GSS: variants seen among roughly 807,000 people sequenced by gnomAD.
GSS encodes the protein GSH synthetase.
In GSS, 34 loss-of-function variants were observed where a neutral mutation model predicts 60.4. The ratio of observed to expected loss-of-function variants is 0.56; its 90% CI spans 0.43 to 0.75. The LOEUF (loss-of-function observed/expected upper bound fraction) is 0.75. Ranked by LOEUF, GSS falls within the 30% of genes least tolerant of loss-of-function variation. The pLI is 0.00. For missense variants in GSS, 499 were observed against 595.1 expected, an observed-to-expected ratio of 0.84 and a Z score of 1.68; for synonymous variants, 224 against 239.0, an observed-to-expected ratio of 0.94 and a Z score of 0.58.
chr20:34,929,387 C>G lies in GSS; in HGVS notation c.1301+14G>C, dbSNP rs200219120. 57 of 1,610,508 alleles carry G rather than the reference C, an allele frequency of 3.5e-5. 1 individual carries two copies. In the African/African-American group the frequency reaches 5.3e-4, roughly 15 times the overall value. ...CAAGCAGGTAGTGGAAAGAGCTTCT[C>G]CTGATTGGCTCACCTGACATAGACC... is the stretch of plus-strand genomic sequence containing the variant. On this transcript the variant is annotated intron_variant, in intron 12 of 12. Transcript: ENST00000651619.
chr20:34,929,198 C>A, intron 12 of GSS: 1 of 694,404 alleles, frequency 1.4e-6, no homozygotes, highest in Non-Finnish European at 2.5e-6. Context: ...AGGGCTTCAT[C>A]TGATACCCTG....
rs1327207579 is a variant in GSS, at chr20:34,932,033, C to T, written c.935G>A (p.Ser312Asn). 12 of 1,614,256 alleles carry T rather than the reference C, an allele frequency of 7.4e-6. No individual in the cohort carries two copies. Among genetic ancestry groups the T allele is most frequent in the Middle Eastern group, 1.6e-4 (1 of 6,062 alleles). Residue 312 changes from serine (S) to asparagine (N), a missense_variant, in exon 10 of 13, where the codon AGC (serine) becomes AAC (asparagine). Transcript: ENST00000651619. ...CAACATCTCCAGCATGCCCGGCCTG[C>T]TTAGCTCCTGCTGCACCTTCTTAGT... The part of the protein sequence containing the change: ...AGTKKVQQEL[S>N]RPGMLEMLLP...
intron 1 of GSS, chr20:34,954,552 CAAAAAAAA>C (rs764125581): frequency 8.3e-5 from 8 of 96,226 alleles, no homozygotes; most frequent in Admixed American, 4.7e-4. Context: ...AAAGCTCTGT[CAAAAAAAA>C]AAAAAAAGAA....
Position 34,928,750 on chromosome 20 carries a change from A to G in GSS, c.*78T>C, listed in dbSNP as rs916131036. On this transcript the variant is annotated 3_prime_UTR_variant, in exon 13 of 13. Coordinates refer to ENST00000651619, the MANE Select transcript of GSS (RefSeq NM_000178.4). ...TTCCATAAAAACTTTGGAGGTCTTTAGGAGGATACCCCTCAGGAGGGCTAG... is the reference window on the plus strand; with the variant it reads ...TTCCATAAAAACTTTGGAGGTCTTTGGGAGGATACCCCTCAGGAGGGCTAG... The G allele has an allele frequency of 1.3e-6, 2 of 1,534,104 alleles. No individual in the cohort carries two copies. Among genetic ancestry groups the G allele is most frequent in the Non-Finnish European group, 1.8e-6 (2 of 1,109,272 alleles).
At chr20:34,930,006 G>T (rs1393850185) in intron 11 of GSS, among the ~76,000 whole-genome samples, 2 of 152,032 alleles carry the variant, frequency 1.3e-5, no homozygotes, top group African/African-American at 4.8e-5. Flanking sequence ...GGTGGCTCAC[G>T]CCTGTAATCC....
chr20:34,944,242 A>G (rs907566173), intron 3 of GSS, among the ~76,000 whole-genome samples: 29 of 152,136 alleles, frequency 1.9e-4, no homozygotes, highest in African/African-American at 6.8e-4. Flanking sequence ...ACTAGGGTTT[A>G]TATGTGTATG....
chr20:34,945,945 TC>T lies in GSS; in HGVS notation c.275+7del, dbSNP rs768555177. The T allele has an allele frequency of 3.1e-6, 5 of 1,613,864 alleles. No homozygotes were observed. The African/African-American group carries it at 6.7e-5, about 22-fold the overall frequency. The stretch of plus-strand genomic sequence containing the variant: ...CTCCTGGCCCCCCAATGCTTCACTG[TC>T]CCCTACCTGGAAAGAGTTTGCTCCA... On this transcript the variant is annotated splice_region_variant and intron_variant, in intron 3 of 12. Coordinates refer to ENST00000651619, the MANE Select transcript of GSS (RefSeq NM_000178.4).
chr20:34,936,840 C>T lies in GSS; in HGVS notation c.690G>A (p.Arg230=). The change falls in exon 8 of 13, where the codon AGG becomes AGA. Residue 230 remains arginine, a splice_region_variant and synonymous_variant. Transcript: ENST00000651619. ...ATGTTCGTCGGATCACATGGATGTT[C>T]CTGGGAAAAATGGGCAAGAGCCAGA... ...QRAIENELLA[R]NIHVIRRTFE... The T allele has an allele frequency of 6.2e-7, 1 of 1,613,964 alleles. No homozygotes were observed. Among genetic ancestry groups the T allele is most frequent in the Non-Finnish European group, 8.5e-7 (1 of 1,179,912 alleles).
intron 1 of GSS, chr20:34,954,894 A>G (rs914801507): frequency 1.3e-5 from 2 of 153,588 alleles, no homozygotes; most frequent in Non-Finnish European, 2.9e-5. Context: ...CTGCCTAAGT[A>G]TATAGTACTT....
intron 1 of GSS, chr20:34,955,441 G>A (rs974070700): frequency 9.9e-5 from 15 of 152,246 alleles, no homozygotes; most frequent in African/African-American, 3.6e-4. Context: ...CCTGGACAAA[G>A]TTTGGCCCTA....
chr20:34,932,721 C>G (rs761902982), intron 9 of GSS, among the ~76,000 whole-genome samples: 2 of 152,078 alleles, frequency 1.3e-5, no homozygotes, highest in Non-Finnish European at 2.9e-5. Flanking sequence ...TCCCATAATT[C>G]TCTTTTTACC....
chr20:34,940,416 C>T (rs896875080), intron 6 of GSS, among the ~76,000 whole-genome samples: 3 of 152,208 alleles, frequency 2.0e-5, no homozygotes, highest in Non-Finnish European at 1.5e-5. Context: ...TGCTTACAGT[C>T]TGAGGTTTCT....
chr20:34,936,265 C>G (rs886160269), intron 8 of GSS, among the ~76,000 whole-genome samples: 1 of 152,200 alleles, frequency 6.6e-6, no homozygotes, highest in African/African-American at 2.4e-5. Flanking sequence ...TTAATTTTAA[C>G]AATCACAAAG....
chr20:34,940,298 G>A (rs1437935817), intron 6 of GSS, among the ~76,000 whole-genome samples: 1 of 152,194 alleles, frequency 6.6e-6, no homozygotes, highest in African/African-American at 2.4e-5. Context: ...ACCCTCTGCA[G>A]CATTTGTCTG....
rs1031331455 is a variant in GSS, at chr20:34,942,338, G to A, written c.491+150C>T. Reference sequence around the variant, plus strand: ...ACATACCAAGGATCTCATTACAAGTGGAAACTGCTGTCGGGGTGGCCAGGG... The same window carrying A: ...ACATACCAAGGATCTCATTACAAGTAGAAACTGCTGTCGGGGTGGCCAGGG... On this transcript the variant is annotated intron_variant, in intron 5 of 12. Transcript: ENST00000651619. The A allele has an allele frequency of 3.3e-5, 23 of 688,490 alleles. No homozygotes were observed. The Admixed American group carries it at 5.5e-4, about 17-fold the overall frequency. The allele number at this position is 688,490 out of a possible 1,614,324, so 42.6% of individuals were successfully genotyped here. A position where few individuals can be genotyped will look rare whatever the true frequency, so the allele number is the denominator to read the frequency against.
intron 6 of GSS, among the ~76,000 whole-genome samples, chr20:34,941,085 A>C (rs534572231): frequency 6.6e-5 from 10 of 152,208 alleles, no homozygotes; most frequent in Non-Finnish European, 1.3e-4. Context: ...GGCCGGGTGC[A>C]GTGGCTCATG....
chr20:34,951,337 A>G (rs748443732), intron 2 of GSS: 8 of 220,844 alleles, frequency 3.6e-5, no homozygotes, highest in Non-Finnish European at 4.6e-5. Context: ...TTGAAAGCAT[A>G]TATCACAAAC....
At chr20:34,932,459 G>A (rs1277028547) in intron 9 of GSS, among the ~76,000 whole-genome samples, 2 of 152,110 alleles carry the variant, frequency 1.3e-5, no homozygotes, top group East Asian at 3.9e-4. Context: ...TCAGGAGCTG[G>A]CTCCTGTCTA....
chr20:34,929,271 C>A, intron 12 of GSS, 130 bp downstream of exon 12: 1 of 846,040 alleles, frequency 1.2e-6, no homozygotes, highest in Non-Finnish European at 2.0e-6. Context: ...GGTAATAAAG[C>A]TAGTGATTGG....
Sources: gnomAD v4.1 joint callset for allele counts (sites outside exome capture counted in the v4.1 genomes callset) on GRCh38, gnomAD v4.1.1 for gene constraint, MANE v1.5 for transcripts, NCBI Gene and HGNC (gene_info 2026-07-23, HGNC 2026-07-21) for gene names.